Variants in GALNT9 observed in about 807,000 individuals in gnomAD.
GALNT9 encodes polypeptide N-acetylgalactosaminyltransferase 9.
In GALNT9, 47 loss-of-function variants were observed where a neutral mutation model predicts 63.1. The ratio of observed to expected loss-of-function variants is 0.75; its 90% CI spans 0.59 to 0.95. The LOEUF is 0.95. Among genes scored for constraint, GALNT9 ranks in the 40% least tolerant of loss-of-function variants. The pLI is 0.00. For missense variants in GALNT9, 829 were observed against 874.8 expected (o/e 0.95, Z 0.66); for synonymous variants, 396 against 365.7 (o/e 1.08, Z -0.94).
chr12:132,289,657 G>A (rs1300880319), intron 1 of GALNT9, among the ~76,000 whole-genome samples: 1 of 152,234 alleles, frequency 6.6e-6, no homozygotes, highest in African/African-American at 2.4e-5. Flanking sequence ...CTTCCTTGCG[G>A]AGGAAGTGAG....
chr12:132,244,037 A>G (rs2136906156), intron 6 of GALNT9, among the ~76,000 whole-genome samples: 2 of 150,734 alleles, frequency 1.3e-5, no homozygotes, highest in East Asian at 2.0e-4. Flanking sequence ...GGGCAGTGCA[A>G]CCTCAGGGGC....
intron 8 of GALNT9, 122 bp downstream of exon 8, chr12:132,201,002 G>T (rs538544992): frequency 1.0e-6 from 1 of 983,970 alleles, no homozygotes; most frequent in Non-Finnish European, 1.5e-6. Context: ...GGGACCCTCT[G>T]GGGGAGGCGC....
At chr12:132,205,099 C>T (rs536885714) in intron 6 of GALNT9, among the ~76,000 whole-genome samples, 1 of 152,304 alleles carries the variant, frequency 6.6e-6, no homozygotes, top group Admixed American at 6.5e-5. Context: ...TCCCTGGACT[C>T]TGGTTCATCC....
intron 1 of GALNT9, among the ~76,000 whole-genome samples, chr12:132,300,743 G>C (rs1881264108): frequency 1.5e-5 from 2 of 137,642 alleles, no homozygotes; most frequent in African/African-American, 5.7e-5. Flanking sequence ...AGATAACCAA[G>C]CCACTCCTGA....
intron 5 of GALNT9, among the ~76,000 whole-genome samples, chr12:132,248,476 T>C (rs1160447090): frequency 6.6e-6 from 1 of 152,040 alleles, no homozygotes; most frequent in Non-Finnish European, 1.5e-5. Flanking sequence ...CTGTCTCCCC[T>C]CTCCCCTGAA....
chr12:132,237,698 C>G (rs1437836207), intron 6 of GALNT9, among the ~76,000 whole-genome samples: 2 of 152,250 alleles, frequency 1.3e-5, no homozygotes, highest in African/African-American at 4.8e-5. Context: ...GGTCCCCTCC[C>G]TTCTGCTCAG....
At chr12:132,240,438 G>T in intron 6 of GALNT9, 1 of 362,000 alleles carries the variant, frequency 2.8e-6, no homozygotes. Context: ...CGCAGACATG[G>T]CCTCAGAACC....
intron 6 of GALNT9, among the ~76,000 whole-genome samples, chr12:132,218,141 C>G (rs1877295238): frequency 6.6e-6 from 1 of 152,110 alleles, no homozygotes; most frequent in Non-Finnish European, 1.5e-5. Context: ...CCTTCTTTCA[C>G]CCACTCATCC....
chr12:132,225,353 T>C (rs1270126654), intron 6 of GALNT9, among the ~76,000 whole-genome samples: 16 of 102,340 alleles, frequency 1.6e-4, no homozygotes, highest in Non-Finnish European at 2.3e-4. Flanking sequence ...CACATATACA[T>C]ACCACACAAC....
intron 6 of GALNT9, among the ~76,000 whole-genome samples, chr12:132,211,467 C>T (rs1163624044): frequency 2.0e-5 from 3 of 152,178 alleles, no homozygotes; most frequent in Non-Finnish European, 4.4e-5. Flanking sequence ...GACGCTGTCA[C>T]CACAGCAGTG....
At chr12:132,287,666 G>A (rs1477656759) in intron 1 of GALNT9, among the ~76,000 whole-genome samples, 1 of 152,200 alleles carries the variant, frequency 6.6e-6, no homozygotes, top group Non-Finnish European at 1.5e-5. Context: ...GGGTGGGGCA[G>A]TGTCGACTGG....
At chr12:132,314,539 A>T (rs1868414485) in intron 1 of GALNT9, among the ~76,000 whole-genome samples, 1 of 152,118 alleles carries the variant, frequency 6.6e-6, no homozygotes, top group Admixed American at 6.5e-5. Context: ...TGGGATTAGG[A>T]CTCAGATCCA....
intron 4 of GALNT9, among the ~76,000 whole-genome samples, chr12:132,259,990 TG>T (rs1879307859): frequency 9.5e-6 from 1 of 105,136 alleles, no homozygotes; most frequent in South Asian, 3.5e-4. Flanking sequence ...GGGGCCTGCC[TG>T]GGTGCGGGGA....
chr12:132,310,585 T>A lies in GALNT9; in HGVS notation c.238+18381A>T, dbSNP rs1214386783. 6.6e-6 allele frequency among the ~76,000 whole-genome samples: 1 copy of A among 152,194 alleles called. No individual in the cohort carries two copies. The highest frequency in any genetic ancestry group is 6.5e-5 in the Admixed American group (1 of 15,282). On this transcript the variant is annotated intron_variant, in intron 1 of 10. Coordinates refer to ENST00000328957, the MANE Select transcript of GALNT9 (RefSeq NM_001122636.2). The surrounding 1 kb of genome is among the most constrained non-coding windows in gnomAD (Gnocchi z 4.8). ...CCCAGCACACGATACCTGGGATATG[T>A]GGGCGGCTGTGATTTTTCAACTTGG...
chr12:132,319,978 G>A lies in GALNT9; in HGVS notation c.238+8988C>T, dbSNP rs1555245995. On this transcript the variant is annotated intron_variant, in intron 1 of 10. Coordinates refer to ENST00000328957, the MANE Select transcript of GALNT9 (RefSeq NM_001122636.2). This position sits in a 1 kb window ranked among gnomAD's most constrained non-coding sequence, Gnocchi z 5.2. ...GGCGGCCAGCGGCCCCCACCGCTGG[G>A]TCACGCTATCCCCTCTGCCAGAACC... 6.6e-6 allele frequency among the ~76,000 whole-genome samples: 1 copy of A among 152,206 alleles called. No homozygotes were observed. The highest frequency in any genetic ancestry group is 1.5e-5 in the Non-Finnish European group (1 of 68,030).
intron 2 of GALNT9, among the ~76,000 whole-genome samples, chr12:132,269,710 C>T (rs1287573843): frequency 8.5e-5 from 13 of 152,318 alleles, no homozygotes; most frequent in South Asian, 6.2e-4. Flanking sequence ...CCGCTGGGAA[C>T]GCGTACCTGG....
chr12:132,240,717 C>T (rs1238781431), intron 6 of GALNT9: 2 of 455,830 alleles, frequency 4.4e-6, no homozygotes, highest in African/African-American at 2.0e-5. Flanking sequence ...CTTGCTGGAA[C>T]CCTTCTGTTT....
At chr12:132,262,901 C>T (rs541031950) in intron 2 of GALNT9, among the ~76,000 whole-genome samples, 1 of 152,242 alleles carries the variant, frequency 6.6e-6, no homozygotes, top group East Asian at 1.9e-4. Context: ...CAAGGGTGTA[C>T]GGGGGCCAGA....
rs1223113067 is a variant in GALNT9 at position 132,238,669 on chromosome 12, C to T, written c.1077+9241G>A. ...GTCTCACATCCATCTGCTGCGTGGC[C>T]CTGGGCAGGTCACTCAGCCTCTCTG... is the stretch of plus-strand genomic sequence containing the variant. On this transcript the variant is annotated intron_variant, in intron 6 of 10. Coordinates refer to ENST00000328957, the MANE Select transcript of GALNT9 (RefSeq NM_001122636.2). The surrounding 1 kb of genome is among the most constrained non-coding windows in gnomAD (Gnocchi z 6.5). Among the ~76,000 whole-genome samples, 1 of 152,054 alleles carries T rather than the reference C, an allele frequency of 6.6e-6. No homozygotes were observed. Among genetic ancestry groups the T allele is most frequent in the Non-Finnish European group, 1.5e-5 (1 of 67,978 alleles).
Sources: gnomAD v4.1 joint callset for allele counts (sites outside exome capture counted in the v4.1 genomes callset) on GRCh38, gnomAD v4.1.1 for gene constraint, Gnocchi (gnomAD v3.1) non-coding constraint, MANE v1.5 for transcripts, NCBI Gene and HGNC (gene_info 2026-07-23, HGNC 2026-07-21) for gene names.